Variants in CPNE4 observed in about 807,000 individuals in gnomAD.
CPNE4 encodes the protein copine-4.
CPNE4 carries 25 observed loss-of-function variants against 67.9 expected under a neutral mutation model. The ratio of observed to expected loss-of-function variants is 0.37; its 90% CI spans 0.27 to 0.51. The LOEUF (loss-of-function observed/expected upper bound fraction) is 0.51, where lower values mean the gene tolerates loss of function less well. CPNE4 is among the 20% of genes least tolerant of loss of function. CPNE4 has a pLI of 0.93. For synonymous variants in CPNE4, 242 were observed against 244.9 expected, an observed-to-expected ratio of 0.99 and a Z score of 0.11; for missense variants, 464 against 690.8, an observed-to-expected ratio of 0.67 and a Z score of 3.68.
intron 8 of CPNE4, among the ~76,000 whole-genome samples, chr3:131,586,824 G>A (rs186551051): frequency 2.6e-5 from 4 of 152,250 alleles, no homozygotes; most frequent in South Asian, 2.1e-4. Flanking sequence ...CACAGAAGGG[G>A]TTTGGGTTTC....
chr3:131,683,850 T>C (rs1331595875), intron 6 of CPNE4, among the ~76,000 whole-genome samples: 1 of 152,168 alleles, frequency 6.6e-6, no homozygotes, highest in African/African-American at 2.4e-5. Context: ...ATGTGAGTGA[T>C]TCCCTCTGGC....
At chr3:131,896,560 A>C (rs970651811) in intron 2 of CPNE4, among the ~76,000 whole-genome samples, 11 of 152,158 alleles carry the variant, frequency 7.2e-5, no homozygotes, top group African/African-American at 2.7e-4. Flanking sequence ...ACAAGTATCA[A>C]ATAGCAAAAT....
intron 2 of CPNE4, among the ~76,000 whole-genome samples, chr3:131,800,405 C>T (rs2084058295): frequency 6.6e-6 from 1 of 152,162 alleles, no homozygotes; most frequent in African/African-American, 2.4e-5. Flanking sequence ...ATATTCTTAG[C>T]TCCTTGCAAG....
At chr3:131,705,913 C>T (rs1266443422) in intron 3 of CPNE4, among the ~76,000 whole-genome samples, 2 of 152,132 alleles carry the variant, frequency 1.3e-5, no homozygotes, top group Admixed American at 1.3e-4. Context: ...TTACAAATGA[C>T]CCAGCTCAGT....
intron 2 of CPNE4, among the ~76,000 whole-genome samples, chr3:131,857,064 C>T (rs992103466): frequency 6.6e-6 from 1 of 151,978 alleles, no homozygotes; most frequent in Non-Finnish European, 1.5e-5. Context: ...ATACATACCA[C>T]CTTGGAGCAT....
intron 15 of CPNE4, among the ~76,000 whole-genome samples, chr3:131,536,607 A>G (rs1177013894): frequency 6.6e-6 from 1 of 152,252 alleles, no homozygotes; most frequent in African/African-American, 2.4e-5. Flanking sequence ...CAAAAGAGAA[A>G]AGAAAAATAA....
chr3:131,815,183 A>C (rs967437237), intron 2 of CPNE4, among the ~76,000 whole-genome samples: 6 of 152,234 alleles, frequency 3.9e-5, no homozygotes, highest in African/African-American at 1.4e-4. Flanking sequence ...TTTAGCATGC[A>C]AATCAGAAAG....
chr3:131,853,810 T>C (rs2086331111), intron 2 of CPNE4, among the ~76,000 whole-genome samples: 1 of 151,824 alleles, frequency 6.6e-6, no homozygotes. Flanking sequence ...CATTATTTAG[T>C]CATCAAGGAA....
intron 2 of CPNE4, among the ~76,000 whole-genome samples, chr3:131,738,858 T>C (rs1351265766): frequency 2.7e-5 from 4 of 150,770 alleles, no homozygotes; most frequent in African/African-American, 7.3e-5. Flanking sequence ...CTTTTTCTTT[T>C]TTTTTTTTTT....
chr3:131,852,810 T>C (rs1398092137), intron 2 of CPNE4, among the ~76,000 whole-genome samples: 7 of 151,622 alleles, frequency 4.6e-5, no homozygotes, highest in Non-Finnish European at 8.9e-5. Flanking sequence ...CATTTCAATA[T>C]ACAAAAATCA....
At chr3:131,590,906 G>A (rs1189284593) in intron 7 of CPNE4, among the ~76,000 whole-genome samples, 1 of 152,188 alleles carries the variant, frequency 6.6e-6, no homozygotes, top group Non-Finnish European at 1.5e-5. Context: ...TGACAGGAGT[G>A]ATGGGAAGCC....
chr3:131,617,670 T>C (rs1940236805), intron 7 of CPNE4, among the ~76,000 whole-genome samples: 1 of 152,236 alleles, frequency 6.6e-6, no homozygotes, highest in African/African-American at 2.4e-5. Flanking sequence ...CAAAGTCTTT[T>C]TTGTATCTTC....
chr3:131,850,650 C>T (rs1234947195), intron 2 of CPNE4, among the ~76,000 whole-genome samples: 1 of 152,126 alleles, frequency 6.6e-6, no homozygotes, highest in Non-Finnish European at 1.5e-5. Flanking sequence ...CTATTATGTG[C>T]CAAGTACAGC....
Position 131,816,676 on chromosome 3 carries a change from T to C in CPNE4, c.180+88588A>G, listed in dbSNP as rs555049358. On this transcript the variant is annotated intron_variant, in intron 2 of 15. Transcript: ENST00000429747. Reference sequence around the variant, plus strand: ...CCAACAAGGACAAAGCAAATGAGCTTAACACCCAGGGATTTTCTCTAGTCA... The same window carrying C: ...CCAACAAGGACAAAGCAAATGAGCTCAACACCCAGGGATTTTCTCTAGTCA... Among the ~76,000 whole-genome samples the C allele has an allele frequency of 6.2e-4, 95 of 152,310 alleles. No homozygotes were observed. The South Asian group carries it at 0.018, about 30-fold the overall frequency.
At chr3:131,738,637 T>TTTTG (rs879367216) in intron 2 of CPNE4, among the ~76,000 whole-genome samples, 1 of 152,202 alleles carries the variant, frequency 6.6e-6, no homozygotes, top group Non-Finnish European at 1.5e-5. Flanking sequence ...GTTTGTTCGT[T>TTTTG]TTTGTTTGTT....
At chr3:131,907,532 A>G (rs1033185167) in intron 1 of CPNE4, among the ~76,000 whole-genome samples, 2 of 152,004 alleles carry the variant, frequency 1.3e-5, no homozygotes, top group African/African-American at 4.8e-5. Flanking sequence ...AATCACACCA[A>G]TAGCATTTTA....
At chr3:131,863,693 G>A (rs1373465356) in intron 2 of CPNE4, among the ~76,000 whole-genome samples, 1 of 152,134 alleles carries the variant, frequency 6.6e-6, no homozygotes, top group Non-Finnish European at 1.5e-5. Context: ...TTGCTGTGCA[G>A]AAGCTCTTTA....
At chr3:131,697,355 C>A (rs1265090202) in intron 4 of CPNE4, among the ~76,000 whole-genome samples, 1 of 152,130 alleles carries the variant, frequency 6.6e-6, no homozygotes, top group African/African-American at 2.4e-5. Flanking sequence ...TAAGTTAAAA[C>A]CTTTATAAAT....
intron 1 of CPNE4, among the ~76,000 whole-genome samples, chr3:131,957,366 G>A (rs2072009423): frequency 6.6e-6 from 1 of 152,196 alleles, no homozygotes; most frequent in African/African-American, 2.4e-5. Context: ...CATGGTTTGT[G>A]TTCCATTCAG....
Sources: gnomAD v4.1 joint callset for allele counts (sites outside exome capture counted in the v4.1 genomes callset) on GRCh38, gnomAD v4.1.1 for gene constraint, MANE v1.5 for transcripts, NCBI Gene and HGNC (gene_info 2026-07-23, HGNC 2026-07-21) for gene names.